The following RGL1 variants were observed in gnomAD, a reference collection of about 807,000 sequenced individuals.
The protein encoded by RGL1 is ral guanine nucleotide dissociation stimulator like 1, also known as ral guanine nucleotide dissociation stimulator-like 1.
A neutral mutation model predicts 95.2 loss-of-function variants in RGL1; 24 were observed. That is an observed-to-expected ratio of 0.25 (90% CI 0.18 to 0.35). The LOEUF (loss-of-function observed/expected upper bound fraction) is 0.35. Ranked by LOEUF, RGL1 falls within the 10% of genes least tolerant of loss-of-function variation. RGL1 has a pLI of 1.00. For synonymous variants in RGL1, 329 were observed against 344.9 expected (o/e 0.95, Z 0.51); for missense variants, 715 against 936.3 (o/e 0.76, Z 3.08).
At chr1:183,822,590 A>G (rs1015764208) in intron 2 of RGL1, among the ~76,000 whole-genome samples, 40 of 152,196 alleles carry the variant, frequency 2.6e-4, no homozygotes, top group African/African-American at 9.4e-4. Flanking sequence ...AAAGATCGTC[A>G]AGGTCCTTTG....
In RGL1 at chr1:183,880,729, C is replaced by T. The variant is rs766067914; in HGVS notation, c.539C>T (p.Pro180Leu). ...KLLDYLTRMMPGSDPERRAQN... is the reference protein window; with the variant it reads ...KLLDYLTRMMLGSDPERRAQN... The stretch of plus-strand genomic sequence containing the variant: ...CTGGATTATCTCACACGGATGATGC[C>T]GGGCTCTGACCCAGAAAGAAGAGCA... Residue 180 changes from proline to leucine, a missense_variant, in exon 5 of 18, where the codon CCG (proline) becomes CTG (leucine). Physicochemically the swap from Pro to Leu is moderately conservative, Grantham distance 98 (BLOSUM62 -3). Transcript: ENST00000360851. 3.7e-6 allele frequency: 6 copies of T among 1,613,796 alleles called. No homozygotes were observed. Among genetic ancestry groups the T allele is most frequent in the African/African-American group, 2.7e-5 (2 of 74,904 alleles).
chr1:183,663,820 CCAA>C, intron 1 of RGL1, among the ~76,000 whole-genome samples: 1 of 150,926 alleles, frequency 6.6e-6, no homozygotes, highest in African/African-American at 2.5e-5. Context: ...ACCCAAATGT[CCAA>C]CAACGATAGA....
intron 2 of RGL1, among the ~76,000 whole-genome samples, chr1:183,833,782 C>T (rs1167015832): frequency 6.6e-6 from 1 of 152,158 alleles, no homozygotes; most frequent in Non-Finnish European, 1.5e-5. Context: ...TAAGTTACCA[C>T]AGCACTGCTG....
chr1:183,801,716 G>A (rs773330590), upstream of RGL1, among the ~76,000 whole-genome samples: 5 of 152,232 alleles, frequency 3.3e-5, no homozygotes, highest in African/African-American at 7.2e-5. Flanking sequence ...GAAGCATGAC[G>A]CCAACATCTG....
At chr1:183,758,429 C>T (rs1658478583) in intron 2 of RGL1, among the ~76,000 whole-genome samples, 1 of 152,086 alleles carries the variant, frequency 6.6e-6, no homozygotes, top group Non-Finnish European at 1.5e-5. Context: ...GATCTCCTGA[C>T]CTTGTGATCC....
At chr1:183,913,649 T>G (rs1668794815) in intron 15 of RGL1, among the ~76,000 whole-genome samples, 1 of 152,208 alleles carries the variant, frequency 6.6e-6, no homozygotes, top group African/African-American at 2.4e-5. Context: ...AGCTTATGGT[T>G]AGGTCAGTAA....
At chr1:183,666,010 T>C (rs898651444) in intron 1 of RGL1, among the ~76,000 whole-genome samples, 4 of 148,942 alleles carry the variant, frequency 2.7e-5, no homozygotes, top group Admixed American at 1.3e-4. Context: ...TTTTTCTTTT[T>C]TTTTTTTTTT....
chr1:183,852,008 CT>C (rs1436845191), intron 3 of RGL1, among the ~76,000 whole-genome samples: 1 of 152,004 alleles, frequency 6.6e-6, no homozygotes, highest in Non-Finnish European at 1.5e-5. Context: ...AAAATAATTT[CT>C]TTTGGTTTCT....
intron 2 of RGL1, among the ~76,000 whole-genome samples, chr1:183,772,417 T>C (rs569534111): frequency 6.6e-6 from 1 of 152,290 alleles, no homozygotes; most frequent in South Asian, 2.1e-4. Flanking sequence ...AAGGGAACCT[T>C]TCCTATTTCA....
At chr1:183,680,790 T>C (rs1653159683) in intron 1 of RGL1, among the ~76,000 whole-genome samples, 1 of 152,186 alleles carries the variant, frequency 6.6e-6, no homozygotes, top group South Asian at 2.1e-4. Context: ...TTTCACGATA[T>C]TGATTCTTCC....
At position 183,888,466 on chromosome 1, in the gene RGL1, C is replaced by T. The variant is rs977144008; in HGVS notation, c.952-8C>T. 11 of 1,523,318 alleles carry T rather than the reference C, an allele frequency of 7.2e-6. No individual in the cohort carries two copies. The highest frequency in any genetic ancestry group is 1.0e-5 in the Non-Finnish European group (11 of 1,097,734). The allele number at this position is 1,523,318 out of a possible 1,614,324, so 94.4% of individuals were successfully genotyped here. A position where few individuals can be genotyped will look rare whatever the true frequency, so the allele number is the denominator to read the frequency against. On this transcript the variant is annotated splice_polypyrimidine_tract_variant and splice_region_variant and intron_variant, in intron 7 of 17. Transcript: ENST00000360851. ...ATGCCTTTTATGTTTTAATCACTCC[C>T]CATGCAGGAATGTAGACTCCTGAAG...
intron 9 of RGL1, among the ~76,000 whole-genome samples, chr1:183,893,935 A>C (rs937719770): frequency 6.6e-6 from 1 of 152,178 alleles, no homozygotes; most frequent in African/African-American, 2.4e-5. Context: ...CATTCACATG[A>C]CTTTTTAACA....
At chr1:183,857,796 A>G (rs1044896800) in intron 3 of RGL1, among the ~76,000 whole-genome samples, 3 of 152,166 alleles carry the variant, frequency 2.0e-5, no homozygotes, top group East Asian at 1.9e-4. Context: ...ACTTTTGCCA[A>G]GTGGACCCAA....
At chr1:183,662,245 C>G (rs1485759851) in intron 1 of RGL1, among the ~76,000 whole-genome samples, 1 of 150,878 alleles carries the variant, frequency 6.6e-6, no homozygotes, top group African/African-American at 2.5e-5. Context: ...AAAGGGTATT[C>G]AATTAGGAAA....
At chr1:183,706,551 G>A (rs1021597508) in intron 1 of RGL1, among the ~76,000 whole-genome samples, 1 of 152,166 alleles carries the variant, frequency 6.6e-6, no homozygotes, top group African/African-American at 2.4e-5. Flanking sequence ...TGTGGGGGCT[G>A]CTCACAGTCT....
chr1:183,730,723 T>G (rs1349128330), intron 1 of RGL1, among the ~76,000 whole-genome samples: 1 of 152,086 alleles, frequency 6.6e-6, no homozygotes, highest in Non-Finnish European at 1.5e-5. Context: ...TCTGTGGCAA[T>G]GAAACAGGGA....
intron 1 of RGL1, chr1:183,648,677 A>AC: frequency 1.2e-6 from 2 of 1,614,236 alleles, no homozygotes; most frequent in Middle Eastern, 1.6e-4. Context: ...CACCTGTTCG[A>AC]ATATGGTAAG....
chr1:183,730,745 A>G (rs1656582904), intron 1 of RGL1, among the ~76,000 whole-genome samples: 1 of 152,132 alleles, frequency 6.6e-6, no homozygotes, highest in African/African-American at 2.4e-5. Flanking sequence ...GGAGGGAGAG[A>G]TTTAATCAAC....
At chr1:183,738,867 C>G (rs1657112904) in intron 1 of RGL1, among the ~76,000 whole-genome samples, 1 of 151,854 alleles carries the variant, frequency 6.6e-6, no homozygotes, top group Non-Finnish European at 1.5e-5. Flanking sequence ...CACCACTGCA[C>G]TCCAGCCTGG....
Sources: gnomAD v4.1 joint callset for allele counts (sites outside exome capture counted in the v4.1 genomes callset) on GRCh38, gnomAD v4.1.1 for gene constraint, MANE v1.5 for transcripts, NCBI Gene and HGNC (gene_info 2026-07-23, HGNC 2026-07-21) for gene names.